The following SETD3 variants were observed in gnomAD, a reference collection of about 807,000 sequenced individuals.
SETD3 encodes the protein SET domain containing 3, actin N3(tau)-histidine methyltransferase.
In SETD3, 19 loss-of-function variants were observed where a neutral mutation model predicts 63.0. The ratio of observed to expected loss-of-function variants is 0.30; its 90% CI spans 0.21 to 0.44. The LOEUF (loss-of-function observed/expected upper bound fraction) is 0.44. Ranked by LOEUF, SETD3 falls within the 20% of genes least tolerant of loss-of-function variation. The probability of loss-of-function intolerance (pLI) is 1.00; values close to 1 mark genes in which losing one functional copy is unlikely to be tolerated. For synonymous variants in SETD3, 286 were observed against 264.1 expected (o/e 1.08, Z -0.80); for missense variants, 587 against 728.5 (o/e 0.81, Z 2.24).
At chr14:99,476,305 T>C (rs1042094162) in intron 1 of SETD3, among the ~76,000 whole-genome samples, 1 of 152,236 alleles carries the variant, frequency 6.6e-6, no homozygotes, top group Non-Finnish European at 1.5e-5. Context: ...AAAGGTTCAC[T>C]GTTATCGCTA....
chr14:99,406,586 G>A lies in SETD3; in HGVS notation c.854C>T (p.Thr285Ile). The change falls in exon 9 of 13, where the codon ACT (threonine) becomes ATT (isoleucine). Residue 285 changes from threonine (T) to isoleucine (I), a missense_variant. By Grantham distance (89) the Thr-to-Ile change is moderately conservative. Transcript: ENST00000331768. ...DMCNHTNGLI[T>I]TGYNLEDDRC... ...GTCATCTTCCAGGTTGTAACCAGTA[G>A]TGATCTAGCCCGGGGAGGAGGAAGG... 1 of 1,614,148 alleles carries A rather than the reference G, an allele frequency of 6.2e-7. No individual in the cohort carries two copies. The highest frequency in any genetic ancestry group is 8.5e-7 in the Non-Finnish European group (1 of 1,180,002).
intron 6 of SETD3, among the ~76,000 whole-genome samples, chr14:99,450,383 T>C (rs1411915431): frequency 6.6e-6 from 1 of 152,196 alleles, no homozygotes; most frequent in East Asian, 1.9e-4. Context: ...CAGAGACAAG[T>C]AGAACAGCAG....
intron 6 of SETD3, among the ~76,000 whole-genome samples, chr14:99,422,103 G>A (rs942759939): frequency 2.0e-5 from 3 of 152,068 alleles, no homozygotes; most frequent in East Asian, 1.9e-4. Context: ...TTAAGTCTTC[G>A]GTCATAAAAT....
chr14:99,413,228 C>T (rs1314099725), intron 7 of SETD3, 163 bp from the exon 8 acceptor site: 2 of 582,958 alleles, frequency 3.4e-6, no homozygotes, highest in African/African-American at 1.9e-5. Flanking sequence ...TAAAAACAAA[C>T]CCAGGGTTTG....
chr14:99,482,761 C>G (rs1406877250), upstream of SETD3, among the ~76,000 whole-genome samples: 5 of 152,144 alleles, frequency 3.3e-5, no homozygotes, highest in African/African-American at 1.2e-4. Context: ...ATTTTAAATG[C>G]TGTTTCTAAA....
intron 4 of SETD3, among the ~76,000 whole-genome samples, chr14:99,460,796 T>C (rs1015020473): frequency 3.9e-5 from 6 of 152,166 alleles, no homozygotes; most frequent in Non-Finnish European, 7.3e-5. Context: ...TTCAGCCTCA[T>C]AGTCATCCAT....
chr14:99,454,921 G>C (rs1266213045), intron 6 of SETD3, among the ~76,000 whole-genome samples: 1 of 152,192 alleles, frequency 6.6e-6, no homozygotes, highest in Non-Finnish European at 1.5e-5. Context: ...ATGGCACCAG[G>C]CTAGTTGCTT....
At chr14:99,461,429 C>T (rs768166645) in intron 3 of SETD3, 89 bp from the exon 4 acceptor site, 30 of 1,337,262 alleles carry the variant, frequency 2.2e-5, no homozygotes, top group Non-Finnish European at 3.1e-5. Flanking sequence ...CAGGCCATAA[C>T]TAACACTGGA....
At chr14:99,412,925 C>T in intron 8 of SETD3, 26 bp downstream of exon 8, 1 of 1,499,616 alleles carries the variant, frequency 6.7e-7, no homozygotes, top group Non-Finnish European at 9.3e-7. Flanking sequence ...CCAGATTCAA[C>T]ACAACACAGG....
intron 1 of SETD3, among the ~76,000 whole-genome samples, chr14:99,474,382 A>G (rs1469402585): frequency 6.6e-6 from 1 of 152,192 alleles, no homozygotes; most frequent in Non-Finnish European, 1.5e-5. Context: ...ATTCAAAAGT[A>G]CCAAGAAGTC....
chr14:99,440,311 A>G (rs1490850728), intron 6 of SETD3, among the ~76,000 whole-genome samples: 5 of 152,242 alleles, frequency 3.3e-5, no homozygotes, highest in Admixed American at 3.3e-4. Context: ...TACGCAAACC[A>G]TTAACACGTG....
chr14:99,439,612 AATAT>A (rs1427446048), intron 6 of SETD3, among the ~76,000 whole-genome samples: 8 of 148,050 alleles, frequency 5.4e-5, no homozygotes, highest in Middle Eastern at 7.1e-3. Flanking sequence ...CTATGTATTA[AATAT>A]ATAAACATAT....
chr14:99,451,295 G>A lies in SETD3; in HGVS notation c.675+6984C>T, dbSNP rs138853167. 3.3e-4 allele frequency among the ~76,000 whole-genome samples: 50 copies of A among 152,108 alleles called. No individual in the cohort carries two copies. The East Asian group carries it at 9.3e-3, about 28-fold the overall frequency. On this transcript the variant is annotated intron_variant, in intron 6 of 12. Transcript: ENST00000331768. ...TGCAACAGTTTTAAATGCCAAGTTC[G>A]GCCTTCCACCATGAGCCCTCTCTTC...
intron 6 of SETD3, among the ~76,000 whole-genome samples, chr14:99,455,673 T>C (rs1410525556): frequency 6.6e-6 from 1 of 152,112 alleles, no homozygotes; most frequent in Non-Finnish European, 1.5e-5. Flanking sequence ...GGAAGAACTG[T>C]GATTTTCTAA....
At chr14:99,421,366 G>C (rs1241696176) in intron 6 of SETD3, among the ~76,000 whole-genome samples, 1 of 151,278 alleles carries the variant, frequency 6.6e-6, no homozygotes, top group Non-Finnish European at 1.5e-5. Context: ...CAATAATTCA[G>C]GATAACTACG....
intron 1 of SETD3, among the ~76,000 whole-genome samples, chr14:99,480,436 G>A (rs886896032): frequency 4.0e-5 from 6 of 151,694 alleles, no homozygotes; most frequent in Non-Finnish European, 7.4e-5. Flanking sequence ...GTGGGCGCCA[G>A]AGGGGACAGG....
chr14:99,427,043 G>T (rs923246297), intron 6 of SETD3, among the ~76,000 whole-genome samples: 3 of 152,188 alleles, frequency 2.0e-5, no homozygotes, highest in African/African-American at 7.2e-5. Flanking sequence ...AAGAGAGCGT[G>T]GGGGGCAGCT....
chr14:99,421,234 A>G (rs2139664490), intron 6 of SETD3, among the ~76,000 whole-genome samples: 1 of 152,220 alleles, frequency 6.6e-6, no homozygotes, highest in African/African-American at 2.4e-5. Context: ...AATAAACAGA[A>G]CGGTAAAAAG....
Position 99,458,452 on chromosome 14 carries a change from G to C in SETD3, c.502C>G (p.Pro168Ala). ...ATATAGGGCTGCCAGAAGGAGTTAG[G>C]GCTGGCTCGCTCACACAGCAAATGA... ...AFHLLCERAS[P>A]NSFWQPYIQT... is the part of the protein sequence containing the mutation. Residue 168 changes from proline to alanine, a missense_variant, in exon 6 of 13, where the codon CCT (proline) becomes GCT (alanine). Transcript: ENST00000331768. 1 of 1,614,116 alleles carries C rather than the reference G, an allele frequency of 6.2e-7. No homozygotes were observed.
Sources: gnomAD v4.1 joint callset for allele counts (sites outside exome capture counted in the v4.1 genomes callset) on GRCh38, gnomAD v4.1.1 for gene constraint, MANE v1.5 for transcripts, NCBI Gene and HGNC (gene_info 2026-07-23, HGNC 2026-07-21) for gene names.